TAFA1: variants seen among roughly 807,000 people sequenced by gnomAD.
TAFA1 encodes the protein chemokine-like protein TAFA-1.
A neutral mutation model predicts 18.5 loss-of-function variants in TAFA1; 4 were observed. The observed-to-expected ratio is 0.22, with a 90% CI of 0.11 to 0.49. The LOEUF is 0.49. Ranked by LOEUF, TAFA1 falls within the 20% of genes least tolerant of loss-of-function variation. The pLI, the probability that TAFA1 is intolerant of heterozygous loss-of-function variation, is 0.98. For synonymous variants in TAFA1, 56 were observed against 55.2 expected (o/e 1.01, Z -0.06); for missense variants, 147 against 169.0 (o/e 0.87, Z 0.72).
rs1377367969 is a variant in TAFA1 at position 68,461,379 on chromosome 3, ATGTATG to A, written c.259+43961_259+43966del. ...AAAGTGCATATATATATATATATAT[ATGTATG>A]TATGTATATATCCATCCCATCTAGA... On this transcript the variant is annotated intron_variant, in intron 3 of 4. Coordinates refer to ENST00000478136, the MANE Select transcript of TAFA1 (RefSeq NM_213609.4). Among the ~76,000 whole-genome samples the A allele has an allele frequency of 4.4e-3, 621 of 141,324 alleles. 18 individuals carry two copies. The highest frequency in any genetic ancestry group is 0.015 in the African/African-American group (555 of 37,804). 92.7% of individuals were successfully genotyped at this position (141,324 alleles called of 152,430 possible).
chr3:68,538,661 C>T lies in TAFA1; in HGVS notation c.260-95C>T, dbSNP rs2073315278. 10 of 1,275,350 alleles carry T rather than the reference C, an allele frequency of 7.8e-6. No homozygotes were observed. In the South Asian group the frequency reaches 1.3e-4, roughly 17 times the overall value. The allele number at this position is 1,275,350 out of a possible 1,614,324, so 79.0% of individuals were successfully genotyped here. ...GGAGGATTAAAGAGAACTTAGTGTG[C>T]TTCCAAGAACGTGAAAATCTGCAGA... On this transcript the variant is annotated intron_variant, in intron 3 of 4. Transcript: ENST00000478136.
At chr3:68,223,654 A>G (rs2066759727) in intron 2 of TAFA1, among the ~76,000 whole-genome samples, 1 of 152,142 alleles carries the variant, frequency 6.6e-6, no homozygotes, top group Non-Finnish European at 1.5e-5. Flanking sequence ...GAAGTCAAAC[A>G]CTTAGCAACT....
intron 2 of TAFA1, among the ~76,000 whole-genome samples, chr3:68,381,407 G>T (rs1409350066): frequency 6.6e-6 from 1 of 151,944 alleles, no homozygotes; most frequent in Non-Finnish European, 1.5e-5. Flanking sequence ...CATGAGCATG[G>T]AATGTTCTTC....
chr3:68,369,807 T>C (rs1307118206), intron 2 of TAFA1, among the ~76,000 whole-genome samples: 2 of 152,306 alleles, frequency 1.3e-5, no homozygotes, highest in East Asian at 3.9e-4. Context: ...ATTTGCACAT[T>C]CTATTAGAAA....
chr3:68,372,734 TA>T (rs1179236687), intron 2 of TAFA1, among the ~76,000 whole-genome samples: 2 of 151,920 alleles, frequency 1.3e-5, no homozygotes, highest in African/African-American at 4.8e-5. Flanking sequence ...AAGTTTGAAT[TA>T]ATAAAATGAA....
chr3:68,349,591 A>C lies in TAFA1; in HGVS notation c.119-67689A>C, dbSNP rs531415531. Among the ~76,000 whole-genome samples the C allele has an allele frequency of 8.8e-4, 134 of 152,224 alleles. 2 individuals carry two copies. Among genetic ancestry groups the C allele is most frequent in the Non-Finnish European group, 1.5e-3 (104 of 68,010 alleles). ...AGGAAAAAAAGTCAAGATAAGCAGC[A>C]AGTTGTACCTGGAAAGAGCCAGATA... On this transcript the variant is annotated intron_variant, in intron 2 of 4. Coordinates refer to ENST00000478136, the MANE Select transcript of TAFA1 (RefSeq NM_213609.4).
At chr3:68,458,040 C>T (rs577210971) in intron 3 of TAFA1, among the ~76,000 whole-genome samples, 1 of 152,244 alleles carries the variant, frequency 6.6e-6, no homozygotes, top group East Asian at 1.9e-4. Context: ...TATGGCCCCA[C>T]CCAAATCTCA....
At chr3:68,364,237 A>G (rs2069525811) in intron 2 of TAFA1, among the ~76,000 whole-genome samples, 1 of 152,196 alleles carries the variant, frequency 6.6e-6, no homozygotes, top group Non-Finnish European at 1.5e-5. Context: ...ATTTGTTTAA[A>G]ATACAGATCC....
chr3:68,179,702 T>A (rs892644728), intron 2 of TAFA1, among the ~76,000 whole-genome samples: 3 of 152,214 alleles, frequency 2.0e-5, no homozygotes, highest in African/African-American at 7.2e-5. Context: ...CTTCTTGATG[T>A]AACCGCACAA....
At chr3:68,413,095 T>C (rs2070745770) in intron 2 of TAFA1, among the ~76,000 whole-genome samples, 2 of 152,326 alleles carry the variant, frequency 1.3e-5, no homozygotes, top group African/African-American at 4.8e-5. Flanking sequence ...GGTATCTCAT[T>C]GTGTTTTTGA....
intron 1 of TAFA1, among the ~76,000 whole-genome samples, chr3:68,005,578 G>A (rs1704343379): frequency 6.6e-6 from 1 of 152,152 alleles, no homozygotes; most frequent in Non-Finnish European, 1.5e-5. Context: ...TTACTAGCAC[G>A]TTTTCAACGT....
intron 2 of TAFA1, among the ~76,000 whole-genome samples, chr3:68,200,509 A>G (rs2066458315): frequency 6.6e-6 from 1 of 151,676 alleles, no homozygotes. Flanking sequence ...CAATTGCTTT[A>G]ATAGATATCG....
intron 2 of TAFA1, among the ~76,000 whole-genome samples, chr3:68,095,338 G>T (rs1436214278): frequency 6.6e-6 from 1 of 152,088 alleles, no homozygotes; most frequent in African/African-American, 2.4e-5. Context: ...TCAATTCAAA[G>T]AATGCTATTT....
At chr3:68,350,559 T>A (rs937562343) in intron 2 of TAFA1, among the ~76,000 whole-genome samples, 8 of 152,118 alleles carry the variant, frequency 5.3e-5, no homozygotes, top group African/African-American at 1.4e-4. Context: ...TCCCAAGGTA[T>A]TTCTTATACA....
intron 3 of TAFA1, among the ~76,000 whole-genome samples, chr3:68,461,735 G>A (rs2071786444): frequency 6.6e-6 from 1 of 151,680 alleles, no homozygotes; most frequent in South Asian, 2.1e-4. Flanking sequence ...TCCTATAGAA[G>A]GCAATTCTGG....
chr3:68,540,458 T>C (rs1463993402), intron 4 of TAFA1, among the ~76,000 whole-genome samples: 1 of 152,228 alleles, frequency 6.6e-6, no homozygotes, highest in East Asian at 1.9e-4. Context: ...GGTTTCCCTT[T>C]GGTTACCTTT....
chr3:68,270,090 A>G (rs2067633720), intron 2 of TAFA1, among the ~76,000 whole-genome samples: 1 of 152,148 alleles, frequency 6.6e-6, no homozygotes, highest in Non-Finnish European at 1.5e-5. Flanking sequence ...CTTTGTGCCA[A>G]AGAGTTGGAG....
intron 2 of TAFA1, among the ~76,000 whole-genome samples, chr3:68,324,269 TATAGCCTTGTTGATAA>T (rs2068741495): frequency 1.3e-5 from 2 of 151,998 alleles, no homozygotes; most frequent in Admixed American, 6.6e-5. Flanking sequence ...TGTTGATAAA[TATAGCCTTGTTGATAA>T]ATATACTTTC....
chr3:68,515,569 T>A (rs1013021534), intron 3 of TAFA1, among the ~76,000 whole-genome samples: 3 of 152,158 alleles, frequency 2.0e-5, no homozygotes, highest in African/African-American at 7.2e-5. Context: ...GCTAGGTATG[T>A]AGAAATAAGA....
Sources: gnomAD v4.1 joint callset for allele counts (sites outside exome capture counted in the v4.1 genomes callset) on GRCh38, gnomAD v4.1.1 for gene constraint, MANE v1.5 for transcripts, NCBI Gene and HGNC (gene_info 2026-07-23, HGNC 2026-07-21) for gene names.